LGMN: variants seen among roughly 807,000 people sequenced by gnomAD.
LGMN encodes the protein legumain.
In LGMN, 36 loss-of-function variants were observed where a neutral mutation model predicts 56.8. The observed-to-expected ratio is 0.63, with a 90% CI of 0.49 to 0.84. The LOEUF (loss-of-function observed/expected upper bound fraction) is 0.84. Among genes scored for constraint, LGMN ranks in the 40% least tolerant of loss-of-function variants. The pLI is 0.00. For missense variants in LGMN, 446 were observed against 556.1 expected, an observed-to-expected ratio of 0.80 and a Z score of 1.99; for synonymous variants, 199 against 210.1, an observed-to-expected ratio of 0.95 and a Z score of 0.46.
intron 3 of LGMN, among the ~76,000 whole-genome samples, chr14:92,717,848 T>G (rs1463951579): frequency 6.6e-6 from 1 of 152,166 alleles, no homozygotes; most frequent in African/African-American, 2.4e-5. Context: ...AGCTTAGGCG[T>G]TAAAGCGTCA....
intron 1 of LGMN, among the ~76,000 whole-genome samples, chr14:92,739,260 T>C (rs937527861): frequency 6.6e-6 from 1 of 152,156 alleles, no homozygotes; most frequent in African/African-American, 2.4e-5. Flanking sequence ...AGCATCCCTA[T>C]GATTCCTGGT....
chr14:92,742,025 T>C (rs1233633447), intron 1 of LGMN, among the ~76,000 whole-genome samples: 4 of 152,152 alleles, frequency 2.6e-5, no homozygotes, highest in African/African-American at 9.7e-5. Context: ...TTAGCAAGAA[T>C]CCAGAAGAGA....
chr14:92,747,884 GT>G (rs2140290725), intron 1 of LGMN, among the ~76,000 whole-genome samples: 1 of 152,194 alleles, frequency 6.6e-6, no homozygotes, highest in South Asian at 2.1e-4. Flanking sequence ...CTCCACGTAG[GT>G]ATAACCTCAA....
At chr14:92,708,751 G>A (rs1358602905) in intron 11 of LGMN, among the ~76,000 whole-genome samples, 3 of 151,286 alleles carry the variant, frequency 2.0e-5, no homozygotes, top group Admixed American at 6.6e-5. Flanking sequence ...CAGCTACTTG[G>A]GAGGCTGAGG....
chr14:92,724,221 T>C (rs1890635709), intron 2 of LGMN, among the ~76,000 whole-genome samples: 1 of 152,222 alleles, frequency 6.6e-6, no homozygotes, highest in Non-Finnish European at 1.5e-5. Context: ...CAGAGTGCCT[T>C]GTGTTGTTAC....
chr14:92,724,188 T>C (rs1156923823), intron 2 of LGMN, among the ~76,000 whole-genome samples: 1 of 152,268 alleles, frequency 6.6e-6, no homozygotes, highest in African/African-American at 2.4e-5. Context: ...AATAAAGTTA[T>C]ATATTTTCTG....
In LGMN at chr14:92,706,608, G is replaced by A; in HGVS notation, c.1066C>T (p.Leu356=). ...EKSVRKIVSL[L]AASEAEVEQL... is the part of the protein sequence containing the mutation. ...TCCACCTCAGCCTCGGACGCTGCCA[G>A]CAAGGAGACGATCTTACGCACTGAC... The change falls in exon 12 of 14, where the codon CTG becomes TTG. Residue 356 remains leucine, a synonymous_variant. Coordinates refer to ENST00000334869, the MANE Select transcript of LGMN (RefSeq NM_005606.7). 1 of 1,601,766 alleles carries A rather than the reference G, an allele frequency of 6.2e-7. No homozygotes were observed. The highest frequency in any genetic ancestry group is 1.1e-5 in the South Asian group (1 of 90,482).
At chr14:92,748,022 C>G (rs764287960) in intron 1 of LGMN, among the ~76,000 whole-genome samples, 1 of 152,170 alleles carries the variant, frequency 6.6e-6, no homozygotes, top group Non-Finnish European at 1.5e-5. Context: ...AAATAGATGT[C>G]TTTATAAGCT....
At chr14:92,734,919 G>T (rs1891229001) in intron 1 of LGMN, among the ~76,000 whole-genome samples, 1 of 152,142 alleles carries the variant, frequency 6.6e-6, no homozygotes, top group South Asian at 2.1e-4. Context: ...CACCTACTTT[G>T]CCAGACAAGG....
intron 2 of LGMN, among the ~76,000 whole-genome samples, chr14:92,729,526 A>G (rs1463087998): frequency 7.1e-6 from 1 of 140,836 alleles, no homozygotes; most frequent in Non-Finnish European, 1.5e-5. Context: ...AAAGTGAGAA[A>G]TCCAATTTGG....
At chr14:92,732,380 A>G in intron 2 of LGMN, 1 of 386,448 alleles carries the variant, frequency 2.6e-6, no homozygotes, top group Non-Finnish European at 4.8e-6. Flanking sequence ...CAAGGTTCAG[A>G]AACCTTGCAT....
At position 92,714,013 on chromosome 14, in the gene LGMN, G is replaced by A. The variant is rs1889935417; in HGVS notation, c.481-128C>T. 5.2e-6 allele frequency: 4 copies of A among 763,834 alleles called. No individual in the cohort carries two copies. In the East Asian group the frequency reaches 1.0e-4, roughly 19 times the overall value. The allele number at this position is 763,834 out of a possible 1,614,324, so 47.3% of individuals were successfully genotyped here. On this transcript the variant is annotated intron_variant, in intron 6 of 13. Transcript: ENST00000334869. This position sits in a 1 kb window ranked among gnomAD's most constrained non-coding sequence, Gnocchi z 5.1. ...AATCCCTAGAAGTAATCATGGTGAA[G>A]AACATAACCCCAGAATGTCGTCACA...
intron 2 of LGMN, 35 bp downstream of exon 2, chr14:92,732,614 G>A (rs1175453790): frequency 7.5e-6 from 12 of 1,608,434 alleles, no homozygotes; most frequent in Non-Finnish European, 1.0e-5. Context: ...GAATGCCAGT[G>A]TCCTTAACAA....
At position 92,714,405 on chromosome 14, in the gene LGMN, T is replaced by C; in HGVS notation, c.451A>G (p.Thr151Ala). 1 of 1,612,346 alleles carries C rather than the reference T, an allele frequency of 6.2e-7. No individual in the cohort carries two copies. The highest frequency in any genetic ancestry group is 1.3e-5 in the African/African-American group (1 of 75,010). Residue 151 changes from threonine (T) to alanine (A), a missense_variant, in exon 6 of 14, where the codon ACT becomes GCT. Thr to Ala is a moderately conservative substitution (Grantham distance 58). Transcript: ENST00000334869. The surrounding 1 kb of genome is among the most constrained non-coding windows in gnomAD (Gnocchi z 5.1). ...TCATTGGGAAAAACCAGTATTCCAG[T>C]AGATCCATGGTCAGTGAAGTAAATG... ...VFIYFTDHGS[T>A]GILVFPNEDL...
Position 92,712,713 on chromosome 14 carries a change from C to T in LGMN, c.610+92G>A. 2.4e-6 allele frequency: 3 copies of T among 1,238,838 alleles called. No individual in the cohort carries two copies. The South Asian group carries it at 3.8e-5, about 16-fold the overall frequency. 76.7% of individuals were successfully genotyped at this position (1,238,838 alleles called of 1,614,324 possible). On this transcript the variant is annotated intron_variant, in intron 8 of 13. Coordinates refer to ENST00000334869, the MANE Select transcript of LGMN (RefSeq NM_005606.7). ...TATGGCCCAGGCTGCCCTCAGCAGCCCCTGCTTACGGAGAATGCTCAGTTC... is the reference window on the plus strand; with the variant it reads ...TATGGCCCAGGCTGCCCTCAGCAGCTCCTGCTTACGGAGAATGCTCAGTTC...
rs112685382 is a variant in LGMN, at chr14:92,707,801, T to C, written c.1021-1148A>G. ...AACAGTCTTGGAAATAGTTTTCAAA[T>C]TTGCAGCAGATACCAAAGAAGTCCT... On this transcript the variant is annotated intron_variant, in intron 11 of 13. Coordinates refer to ENST00000334869, the MANE Select transcript of LGMN (RefSeq NM_005606.7). Among the ~76,000 whole-genome samples, 423 of 152,332 alleles carry C rather than the reference T, an allele frequency of 2.8e-3. 5 individuals are homozygous for C. Among genetic ancestry groups the C allele is most frequent in the African/African-American group, 9.8e-3 (406 of 41,566 alleles).
intron 1 of LGMN, 109 bp from the exon 2 acceptor site, chr14:92,732,924 G>A: frequency 1.3e-6 from 1 of 790,036 alleles, no homozygotes; most frequent in Non-Finnish European, 1.9e-6. Flanking sequence ...GCCGAGGAGG[G>A]TGGATCAAGA....
chr14:92,740,114 T>C (rs546468678), intron 1 of LGMN, among the ~76,000 whole-genome samples: 3 of 152,252 alleles, frequency 2.0e-5, no homozygotes, highest in African/African-American at 7.2e-5. Context: ...TGGGCGTGGT[T>C]GTACATGCCT....
intron 2 of LGMN, among the ~76,000 whole-genome samples, chr14:92,725,282 C>T (rs904983375): frequency 3.9e-5 from 6 of 152,194 alleles, no homozygotes; most frequent in Non-Finnish European, 4.4e-5. Context: ...AGGCCAGACA[C>T]AGTGGCCTGT....
Sources: gnomAD v4.1 joint callset for allele counts (sites outside exome capture counted in the v4.1 genomes callset) on GRCh38, gnomAD v4.1.1 for gene constraint, Gnocchi (gnomAD v3.1) non-coding constraint, MANE v1.5 for transcripts, NCBI Gene and HGNC (gene_info 2026-07-23, HGNC 2026-07-21) for gene names.